RNF24: variants seen among roughly 807,000 people sequenced by gnomAD.
RNF24 encodes ring finger protein 24.
RNF24 carries 14 observed loss-of-function variants against 20.0 expected under a neutral mutation model. That is an observed-to-expected ratio of 0.70 (90% CI 0.46 to 1.10). The LOEUF (loss-of-function observed/expected upper bound fraction) is 1.10, where lower values mean the gene tolerates loss of function less well. Among genes scored for constraint, RNF24 ranks in the 50% least tolerant of loss-of-function variants. RNF24 has a pLI of 0.00. For missense variants in RNF24, 124 were observed against 177.6 expected (o/e 0.70, Z 1.71); for synonymous variants, 45 against 61.1 (o/e 0.74, Z 1.23).
chr20:3,974,353 G>A (rs1978672316), intron 1 of RNF24: 1 of 1,550,452 alleles, frequency 6.4e-7, no homozygotes, highest in African/African-American at 1.4e-5. Flanking sequence ...CGGGAACAAG[G>A]CAGGATATCT....
At chr20:3,979,239 CTATT>C (rs948397048) in intron 1 of RNF24, among the ~76,000 whole-genome samples, 3 of 151,884 alleles carry the variant, frequency 2.0e-5, no homozygotes, top group African/African-American at 7.3e-5. Context: ...TTTAGATAAA[CTATT>C]TATCATGCTA....
Position 3,997,430 on chromosome 20 carries a change from A to AT in RNF24, c.-8+18006dup, listed in dbSNP as rs746247068. On this transcript the variant is annotated intron_variant, in intron 1 of 5. Transcript: ENST00000358395. ...TAATTCTAGGTCAGAAAAATACAGG[A>AT]TTTTTTTTTTTTTTGAGGCAGGGTC... is the stretch of plus-strand genomic sequence containing the variant. Among the ~76,000 whole-genome samples, 431 of 142,028 alleles carry AT rather than the reference A, an allele frequency of 3.0e-3. 4 individuals are homozygous for AT. The highest frequency in any genetic ancestry group is 7.6e-3 in the African/African-American group (297 of 38,906). The allele number at this position is 142,028 out of a possible 152,430, so 93.2% of individuals were successfully genotyped here. A position where few individuals can be genotyped will look rare whatever the true frequency, so the allele number is the denominator to read the frequency against.
chr20:4,012,366 G>C lies in RNF24; in HGVS notation c.-8+3071C>G, dbSNP rs572228696. The stretch of plus-strand genomic sequence containing the variant: ...TGGGAGACGGAGGCTGCAGTCAGCC[G>C]AGATCACGCCACTGCACTCCAGCCT... On this transcript the variant is annotated intron_variant, in intron 1 of 5. Coordinates refer to ENST00000358395, the MANE Select transcript of RNF24 (RefSeq NM_001134337.3). Among the ~76,000 whole-genome samples the C allele has an allele frequency of 5.3e-5, 8 of 151,002 alleles. No individual in the cohort carries two copies. The South Asian group carries it at 1.7e-3, about 31-fold the overall frequency.
At chr20:3,936,628 A>G (rs2090894417) in intron 4 of RNF24, among the ~76,000 whole-genome samples, 1 of 152,182 alleles carries the variant, frequency 6.6e-6, no homozygotes, top group Admixed American at 6.5e-5. Context: ...TAAAGAGGGA[A>G]TGATGCTCCC....
In RNF24 at chr20:3,939,043, A is replaced by G. The variant is rs571701295; in HGVS notation, c.229-3970T>C. On this transcript the variant is annotated intron_variant, in intron 4 of 5. Coordinates refer to ENST00000358395, the MANE Select transcript of RNF24 (RefSeq NM_001134337.3). ...GTTGGGATTACAGGAGTGAGCCTCC[A>G]TGGCTGGCCTGATGAAGTTTAACTA... Among the ~76,000 whole-genome samples the G allele has an allele frequency of 3.7e-4, 57 of 152,046 alleles. 1 individual carries two copies. The highest frequency in any genetic ancestry group is 1.3e-3 in the African/African-American group (55 of 41,444).
chr20:4,001,744 T>A lies in RNF24; in HGVS notation c.-8+13693A>T, dbSNP rs568648409. Among the ~76,000 whole-genome samples the A allele has an allele frequency of 2.6e-5, 4 of 152,130 alleles. No individual in the cohort carries two copies. In the South Asian group the frequency reaches 6.2e-4, roughly 24 times the overall value. On this transcript the variant is annotated intron_variant, in intron 1 of 5. Transcript: ENST00000358395. ...TGAACCTAGGAGTTCAAGACCAGCC[T>A]AGGCAAGAGAGTAAGACCTCATCTC... is the stretch of plus-strand genomic sequence containing the variant.
intron 1 of RNF24, among the ~76,000 whole-genome samples, chr20:3,978,198 CG>C (rs1361424432): frequency 6.6e-6 from 1 of 151,556 alleles, no homozygotes; most frequent in African/African-American, 2.4e-5. Flanking sequence ...CCACCATACC[CG>C]GCTAATTTTT....
At chr20:3,952,838 A>T (rs895666127) in intron 2 of RNF24, among the ~76,000 whole-genome samples, 5 of 152,178 alleles carry the variant, frequency 3.3e-5, no homozygotes, top group Non-Finnish European at 7.3e-5. Context: ...TTGCTTTTCA[A>T]ATGTTAAAAT....
rs552666138 is a variant in RNF24, at chr20:4,015,551, C to G, written c.-122G>C. On this transcript the variant is annotated 5_prime_UTR_variant, in exon 1 of 6. Coordinates refer to ENST00000358395, the MANE Select transcript of RNF24 (RefSeq NM_001134337.3). ...CAGAGCGCGGCGGAGGTGGCGGCGG[C>G]TGACTGCGCCCGGCGGCCCCTCGCG... is the stretch of plus-strand genomic sequence containing the variant. 2.0e-5 allele frequency: 3 copies of G among 150,710 alleles called. No individual in the cohort carries two copies. Among genetic ancestry groups the G allele is most frequent in the Non-Finnish European group, 3.0e-5 (2 of 67,584 alleles). 9.3% of individuals were successfully genotyped at this position (150,710 alleles called of 1,614,324 possible). A position where few individuals can be genotyped will look rare whatever the true frequency, so the allele number is the denominator to read the frequency against.
intron 1 of RNF24, among the ~76,000 whole-genome samples, chr20:3,997,992 A>G (rs1981028656): frequency 6.6e-6 from 1 of 152,162 alleles, no homozygotes; most frequent in Non-Finnish European, 1.5e-5. Context: ...GCTGGCTTTT[A>G]TTTTTCAAAC....
At chr20:3,981,661 A>G (rs1979392662) in intron 1 of RNF24, among the ~76,000 whole-genome samples, 1 of 152,016 alleles carries the variant, frequency 6.6e-6, no homozygotes, top group African/African-American at 2.4e-5. Flanking sequence ...ATGCACCATC[A>G]TGCCCAGCTA....
chr20:3,978,053 T>C (rs547916861), intron 1 of RNF24, among the ~76,000 whole-genome samples: 20 of 151,742 alleles, frequency 1.3e-4, no homozygotes, highest in Non-Finnish European at 2.2e-4. Flanking sequence ...TTCCAAACAC[T>C]ACGAAATGAA....
At chr20:3,984,261 A>G (rs1979689633) in intron 1 of RNF24, among the ~76,000 whole-genome samples, 1 of 152,054 alleles carries the variant, frequency 6.6e-6, no homozygotes, top group Admixed American at 6.6e-5. Flanking sequence ...AAAGAAAAGA[A>G]AGCTTTTGGC....
chr20:3,991,950 A>G (rs1184001058), intron 1 of RNF24, among the ~76,000 whole-genome samples: 1 of 152,032 alleles, frequency 6.6e-6, no homozygotes, highest in Non-Finnish European at 1.5e-5. Context: ...GCACACACAC[A>G]CACACACACA....
chr20:4,004,504 GA>G (rs373539296), intron 1 of RNF24, among the ~76,000 whole-genome samples: 37 of 145,876 alleles, frequency 2.5e-4, no homozygotes, highest in South Asian at 4.3e-4. Context: ...CTTTATTTAA[GA>G]AAAAAAAAAG....
At chr20:3,944,125 G>C (rs548245572) in intron 4 of RNF24, among the ~76,000 whole-genome samples, 8 of 150,674 alleles carry the variant, frequency 5.3e-5, no homozygotes, top group Non-Finnish European at 1.2e-4. Context: ...CAGGAGAATC[G>C]CTTGAGCCCA....
chr20:3,978,574 T>G (rs1464139990), intron 1 of RNF24, among the ~76,000 whole-genome samples: 1 of 152,096 alleles, frequency 6.6e-6, no homozygotes, highest in Non-Finnish European at 1.5e-5. Flanking sequence ...TCAGCTTTAT[T>G]ATAAGAAAAC....
At chr20:4,010,201 C>T (rs954418708) in intron 1 of RNF24, among the ~76,000 whole-genome samples, 6 of 151,702 alleles carry the variant, frequency 4.0e-5, no homozygotes, top group Non-Finnish European at 8.8e-5. Context: ...AGTGAAACCC[C>T]GTCTCCACCA....
intron 1 of RNF24, among the ~76,000 whole-genome samples, chr20:3,979,028 A>G (rs1332452806): frequency 6.6e-6 from 1 of 150,794 alleles, no homozygotes; most frequent in Non-Finnish European, 1.5e-5. Context: ...CGGAAGGCGG[A>G]GGGTGCAGTG....
Sources: gnomAD v4.1 joint callset for allele counts (sites outside exome capture counted in the v4.1 genomes callset) on GRCh38, gnomAD v4.1.1 for gene constraint, MANE v1.5 for transcripts, NCBI Gene and HGNC (gene_info 2026-07-23, HGNC 2026-07-21) for gene names.